SLC23A2: variants seen among roughly 807,000 people sequenced by gnomAD.
The protein encoded by SLC23A2 is Na(+)/L-ascorbic acid transporter 2.
SLC23A2 carries 36 observed loss-of-function variants against 73.3 expected under a neutral mutation model. The observed-to-expected ratio is 0.49, with a 90% CI of 0.38 to 0.65. SLC23A2 has a LOEUF of 0.65. Ranked by LOEUF, SLC23A2 falls within the 30% of genes least tolerant of loss-of-function variation. SLC23A2 has a pLI of 0.00. For missense variants in SLC23A2, 507 were observed against 841.6 expected (o/e 0.60, Z 4.92); for synonymous variants, 343 against 327.3 (o/e 1.05, Z -0.52).
At chr20:4,976,769 C>T (rs1366082457) in intron 1 of SLC23A2, among the ~76,000 whole-genome samples, 2 of 151,880 alleles carry the variant, frequency 1.3e-5, no homozygotes, top group Non-Finnish European at 2.9e-5. Flanking sequence ...GTCAAGAGAT[C>T]GAGACTATCC....
At chr20:4,873,545 T>C (rs745897853) in intron 11 of SLC23A2, among the ~76,000 whole-genome samples, 10 of 152,222 alleles carry the variant, frequency 6.6e-5, no homozygotes, top group Admixed American at 1.3e-4. Flanking sequence ...AGCAGGTTGC[T>C]TGCTAATCCC....
intron 9 of SLC23A2, among the ~76,000 whole-genome samples, chr20:4,875,102 A>G (rs1930603758): frequency 1.3e-5 from 2 of 152,218 alleles, no homozygotes; most frequent in Non-Finnish European, 2.9e-5. Flanking sequence ...GCAAACCAAG[A>G]AACTACTGCA....
rs1314416727 is a variant in SLC23A2 at position 4,947,456 on chromosome 20, CTA to C, written c.-154-14742_-154-14741del. Among the ~76,000 whole-genome samples the C allele has an allele frequency of 2.9e-4, 44 of 152,300 alleles. No individual in the cohort carries two copies. The highest frequency in any genetic ancestry group is 8.5e-4 in the Admixed American group (13 of 15,300). ...ACACATGGTGCTTTTTATTTCAACACTATTTAAAATGTATTAATCATCAGTCA... is the reference window on the plus strand; with the variant it reads ...ACACATGGTGCTTTTTATTTCAACACTTTAAAATGTATTAATCATCAGTCA... On this transcript the variant is annotated intron_variant, in intron 2 of 16. Transcript: ENST00000338244. The surrounding 1 kb of genome is among the most constrained non-coding windows in gnomAD (Gnocchi z 4.4).
At position 4,924,850 on chromosome 20, in the gene SLC23A2, G is replaced by T. The variant is rs78782787; in HGVS notation, c.108+7605C>A. Among the ~76,000 whole-genome samples the T allele has an allele frequency of 3.5e-3, 530 of 152,236 alleles. 3 individuals carry two copies. Among genetic ancestry groups the T allele is most frequent in the Non-Finnish European group, 3.4e-3 (231 of 68,014 alleles). On this transcript the variant is annotated intron_variant, in intron 3 of 16. Transcript: ENST00000338244. ...GTCAATATCTAACATCTACACATTT[G>T]ACTTATTTCTATTGTGGATTGCCTG...
rs774606699 is a variant in SLC23A2, at chr20:4,853,158, G to T, written c.*3814C>A. 20 of 152,314 alleles carry T rather than the reference G, an allele frequency of 1.3e-4. No individual in the cohort carries two copies. Among genetic ancestry groups the T allele is most frequent in the African/African-American group, 4.8e-4 (20 of 41,474 alleles). The allele number at this position is 152,314 out of a possible 1,614,324, so 9.4% of individuals were successfully genotyped here. ...GCGAGCTTTGCGAATGCTCAGGCCC[G>T]GAGCCGCACACTAACGCGGCGTGCA... is the stretch of plus-strand genomic sequence containing the variant. On this transcript the variant is annotated 3_prime_UTR_variant, in exon 17 of 17. Transcript: ENST00000338244.
upstream of SLC23A2, among the ~76,000 whole-genome samples, chr20:5,002,482 A>G (rs949338737): frequency 1.3e-5 from 2 of 152,248 alleles, no homozygotes; most frequent in Non-Finnish European, 1.5e-5. Context: ...ATGATAATGT[A>G]CTAGTTCCCG....
At chr20:4,990,589 T>C (rs1033339441) in intron 1 of SLC23A2, among the ~76,000 whole-genome samples, 2 of 133,140 alleles carry the variant, frequency 1.5e-5, no homozygotes, top group African/African-American at 5.6e-5. Flanking sequence ...GCCAGGCTGG[T>C]CTTGAACTCC....
At chr20:4,971,821 T>A (rs780944903) in intron 1 of SLC23A2, among the ~76,000 whole-genome samples, 13 of 151,950 alleles carry the variant, frequency 8.6e-5, no homozygotes, top group Non-Finnish European at 1.8e-4. Context: ...TGCACTCAGT[T>A]GGGATTTCTC....
At chr20:4,917,232 G>T (rs1200767764) in intron 3 of SLC23A2, among the ~76,000 whole-genome samples, 2 of 152,218 alleles carry the variant, frequency 1.3e-5, no homozygotes, top group African/African-American at 4.8e-5. Context: ...TCTGGGTGCA[G>T]CAGGAGAGTG....
intron 1 of SLC23A2, among the ~76,000 whole-genome samples, chr20:4,994,943 A>G (rs1207162293): frequency 6.6e-6 from 1 of 152,062 alleles, no homozygotes; most frequent in Non-Finnish European, 1.5e-5. Context: ...TCAAAAAAAA[A>G]AAGAAAAAAG....
intron 5 of SLC23A2, among the ~76,000 whole-genome samples, chr20:4,901,523 C>T (rs974605847): frequency 1.3e-5 from 2 of 152,164 alleles, no homozygotes; most frequent in Non-Finnish European, 2.9e-5. Context: ...CGCGTTCATC[C>T]TATGAAAGGG....
chr20:4,976,484 T>G (rs1042894478), intron 1 of SLC23A2, among the ~76,000 whole-genome samples: 1 of 151,082 alleles, frequency 6.6e-6, no homozygotes, highest in African/African-American at 2.4e-5. Context: ...GAGACCAGCC[T>G]GGCCAACACG....
At chr20:4,983,413 A>G (rs576417880) in intron 1 of SLC23A2, among the ~76,000 whole-genome samples, 332 of 152,114 alleles carry the variant, frequency 2.2e-3, no homozygotes, top group African/African-American at 5.0e-3. Flanking sequence ...TCGGGAGGCC[A>G]AGGCGGGCAG....
At position 4,883,808 on chromosome 20, in the gene SLC23A2, T is replaced by C; in HGVS notation, c.658A>G (p.Ile220Val). 1 of 1,610,160 alleles carries C rather than the reference T, an allele frequency of 6.2e-7. No homozygotes were observed. The highest frequency in any genetic ancestry group is 8.5e-7 in the Non-Finnish European group (1 of 1,178,190). The change falls in exon 9 of 17, where the codon ATC (isoleucine) becomes GTC (valine). Residue 220 changes from isoleucine (I) to valine (V), a missense_variant. Ile to Val is a conservative substitution (Grantham distance 29, BLOSUM62 3). Transcript: ENST00000338244. The surrounding 1 kb of genome is among the most constrained non-coding windows in gnomAD (Gnocchi z 4.5). The stretch of plus-strand genomic sequence containing the variant: ...ACTACTTCTATCAGTGAGGACATGA[T>C]GATGGCCCCCTGGATCTGCAACAAG... The part of the protein sequence containing the change: ...PRIREIQGAI[I>V]MSSLIEVVIG...
chr20:5,003,481 C>T (rs2088156588), upstream of SLC23A2, among the ~76,000 whole-genome samples: 1 of 151,952 alleles, frequency 6.6e-6, no homozygotes. Flanking sequence ...CATCATTCTA[C>T]ACCAGTGAGA....
chr20:4,955,573 G>A (rs1402343624), intron 2 of SLC23A2, among the ~76,000 whole-genome samples: 2 of 152,086 alleles, frequency 1.3e-5, no homozygotes, highest in Non-Finnish European at 2.9e-5. Flanking sequence ...AGTAACACTT[G>A]ACCTCAGGGG....
chr20:4,856,912 C>T lies in SLC23A2; in HGVS notation c.*60G>A. 2 of 1,059,312 alleles carry T rather than the reference C, an allele frequency of 1.9e-6. No individual in the cohort carries two copies. Among genetic ancestry groups the T allele is most frequent in the East Asian group, 2.4e-5 (1 of 42,192 alleles). 65.6% of individuals were successfully genotyped at this position (1,059,312 alleles called of 1,614,324 possible). A position where few individuals can be genotyped will look rare whatever the true frequency, so the allele number is the denominator to read the frequency against. On this transcript the variant is annotated 3_prime_UTR_variant, in exon 17 of 17. Transcript: ENST00000338244. The surrounding 1 kb of genome is among the most constrained non-coding windows in gnomAD (Gnocchi z 4.6). Reference sequence around the variant, plus strand: ...CAAACATGTATTTTACTTCTTGTTACTCAGCAAGGAACTACAGATACATGC... The same window carrying T: ...CAAACATGTATTTTACTTCTTGTTATTCAGCAAGGAACTACAGATACATGC...
chr20:4,961,952 C>T (rs902572619), intron 2 of SLC23A2, among the ~76,000 whole-genome samples: 3 of 151,986 alleles, frequency 2.0e-5, no homozygotes, highest in South Asian at 2.1e-4. Flanking sequence ...TAGAGATGTA[C>T]GTAGACAGTT....
rs1929722884 is a variant in SLC23A2 at position 4,856,661 on chromosome 20, C to T, written c.*311G>A. On this transcript the variant is annotated 3_prime_UTR_variant, in exon 17 of 17. Transcript: ENST00000338244. This position sits in a 1 kb window ranked among gnomAD's most constrained non-coding sequence, Gnocchi z 4.6. ...GCCAGCCCTGGGTGGTGGAAGGGAA[C>T]TGAAGCAAGGAATGGCTGCAGATTT... The T allele has an allele frequency of 7.3e-6, 2 of 273,628 alleles. No individual in the cohort carries two copies. The highest frequency in any genetic ancestry group is 5.5e-5 in the South Asian group (1 of 18,100). The allele number at this position is 273,628 out of a possible 1,614,324, so 17.0% of individuals were successfully genotyped here.
Sources: gnomAD v4.1 joint callset for allele counts (sites outside exome capture counted in the v4.1 genomes callset) on GRCh38, gnomAD v4.1.1 for gene constraint, Gnocchi (gnomAD v3.1) non-coding constraint, MANE v1.5 for transcripts, NCBI Gene and HGNC (gene_info 2026-07-23, HGNC 2026-07-21) for gene names.